PPP2R3B: variants seen among roughly 807,000 people sequenced by gnomAD.
PPP2R3B encodes protein phosphatase 2 regulatory subunit B''beta.
PPP2R3B carries 68 observed loss-of-function variants against 72.9 expected under a neutral mutation model. The ratio of observed to expected loss-of-function variants is 0.93; its 90% CI spans 0.77 to 1.14. The LOEUF is 1.14. Among genes scored for constraint, PPP2R3B ranks in the 50% most tolerant of loss-of-function variants. The probability of loss-of-function intolerance (pLI) is 0.00; values close to 1 mark genes in which losing one functional copy is unlikely to be tolerated. For synonymous variants in PPP2R3B, 466 were observed against 375.8 expected, an observed-to-expected ratio of 1.24 and a Z score of -2.78; for missense variants, 1,018 against 842.0, an observed-to-expected ratio of 1.21 and a Z score of -2.59.
At chrX:385,919 T>C (rs887197942) in intron 1 of PPP2R3B, among the ~76,000 whole-genome samples, 6 of 152,112 alleles carry the variant, frequency 3.9e-5, no homozygotes, top group Admixed American at 2.6e-4. Flanking sequence ...CAGTCTCTAC[T>C]AAAAATACAA....
chrX:345,406 A>G, intron 7 of PPP2R3B, 110 bp downstream of exon 7: 1 of 1,416,912 alleles, frequency 7.1e-7, no homozygotes, highest in Non-Finnish European at 9.7e-7. Flanking sequence ...AGGCAGCTGC[A>G]GACACAGAGC....
rs769179415 is a variant in PPP2R3B at position 338,540 on chromosome X, G to A, written c.1577+64C>T. ...CACACACCCGTCCTCCCACTCACCCGTCCTCCCCACTCACCCGTCCTCCCA... is the reference window on the plus strand; with the variant it reads ...CACACACCCGTCCTCCCACTCACCCATCCTCCCCACTCACCCGTCCTCCCA... On this transcript the variant is annotated intron_variant, in intron 12 of 12. Transcript: ENST00000390665. 15 of 1,170,350 alleles carry A rather than the reference G, an allele frequency of 1.3e-5. No homozygotes were observed. The East Asian group carries it at 1.9e-4, about 15-fold the overall frequency. 72.5% of individuals were successfully genotyped at this position (1,170,350 alleles called of 1,614,324 possible). A position where few individuals can be genotyped will look rare whatever the true frequency, so the allele number is the denominator to read the frequency against.
Position 383,837 on chromosome X carries a change from CAAAAAA to C in PPP2R3B, c.324+2525_324+2530del, listed in dbSNP as rs757960788. Among the ~76,000 whole-genome samples the C allele has an allele frequency of 5.8e-3, 263 of 45,568 alleles. 1 individual carries two copies. Among genetic ancestry groups the C allele is most frequent in the African/African-American group, 0.017 (252 of 15,118 alleles). The allele number at this position is 45,568 out of a possible 152,430, so 29.9% of individuals were successfully genotyped here. A position where few individuals can be genotyped will look rare whatever the true frequency, so the allele number is the denominator to read the frequency against. On this transcript the variant is annotated intron_variant, in intron 1 of 12. Coordinates refer to ENST00000390665, the MANE Select transcript of PPP2R3B (RefSeq NM_013239.5). ...TGGGGGACAGAGCGAGACTCCGTCTCAAAAAAAAAAAAAAAAAAAAAAAAAAAAAAC... is the reference window on the plus strand; with the variant it reads ...TGGGGGACAGAGCGAGACTCCGTCTCAAAAAAAAAAAAAAAAAAAAAAAAC...
Position 361,398 on chromosome X carries a change from C to CA in PPP2R3B, c.510+6dup, listed in dbSNP as rs2071536239. The stretch of plus-strand genomic sequence containing the variant: ...CGGCTGCTCCACGTCCCACGCGTGA[C>CA]ACGTACCTTGGCCACCAGGCCCATG... On this transcript the variant is annotated splice_region_variant and intron_variant, in intron 2 of 12. Transcript: ENST00000390665. The CA allele has an allele frequency of 4.3e-6, 7 of 1,613,906 alleles. No homozygotes were observed. The East Asian group carries it at 1.6e-4, about 36-fold the overall frequency.
intron 2 of PPP2R3B, among the ~76,000 whole-genome samples, chrX:358,798 T>TGGCCGCTGTGGGGGGC (rs1184839784): frequency 1.1e-5 from 1 of 91,450 alleles, no homozygotes; most frequent in African/African-American, 3.7e-5. Context: ...GGAGGGGGGG[T>TGGCCGCTGTGGGGGGC]GGCCGCTGTG....
Position 341,718 on chromosome X carries a change from C to CA in PPP2R3B, c.1085+164dup, listed in dbSNP as rs1556119436. On this transcript the variant is annotated intron_variant, in intron 8 of 12. Transcript: ENST00000390665. ...GTGACAGTCTTGTGCCACCCCCCCC[C>CA]ACTAGGGATTCACGTGACAGAGACA... 6 of 797,594 alleles carry CA rather than the reference C, an allele frequency of 7.5e-6. No homozygotes were observed. The East Asian group carries it at 7.6e-5, about 10-fold the overall frequency. The allele number at this position is 797,594 out of a possible 1,614,324, so 49.4% of individuals were successfully genotyped here.
At chrX:349,659 T>G (rs1477901617) in intron 2 of PPP2R3B, among the ~76,000 whole-genome samples, 1 of 152,206 alleles carries the variant, frequency 6.6e-6, no homozygotes, top group Non-Finnish European at 1.5e-5. Context: ...TCAGCAAAGT[T>G]GCTGGATCCA....
intron 1 of PPP2R3B, among the ~76,000 whole-genome samples, chrX:382,955 C>T (rs1425498743): frequency 6.6e-6 from 1 of 152,092 alleles, no homozygotes; most frequent in Non-Finnish European, 1.5e-5. Flanking sequence ...TCCTGGCCCT[C>T]CTCTCAACCT....
In PPP2R3B at chrX:361,309, G is replaced by A. The variant is rs761464154; in HGVS notation, c.510+96C>T. 3.5e-5 allele frequency: 49 copies of A among 1,402,002 alleles called. 1 individual carries two copies. In the East Asian group the frequency reaches 8.4e-4, roughly 24 times the overall value. 86.8% of individuals were successfully genotyped at this position (1,402,002 alleles called of 1,614,324 possible). ...TCCTCGGCCGTGCCGCCTCACTCAC[G>A]CTCGTGTGACACGCACCCACCACGG... On this transcript the variant is annotated intron_variant, in intron 2 of 12. Transcript: ENST00000390665.
At chrX:356,885 C>CA (rs1424732048) in intron 2 of PPP2R3B, among the ~76,000 whole-genome samples, 45 of 93,058 alleles carry the variant, frequency 4.8e-4, no homozygotes, top group Middle Eastern at 4.4e-3. Flanking sequence ...ATCCACACCC[C>CA]GCCAGCCACA....
At position 345,561 on chromosome X, in the gene PPP2R3B, C is replaced by T; in HGVS notation, c.991G>A (p.Asp331Asn). The stretch of plus-strand genomic sequence containing the variant: ...AGGTCGTCCGCGTCGATGAGCAGGT[C>T]GTGGTCCGTGTCCAGCTCCCAGAAC... ...CKFWELDTDHDLLIDADDLAR... is the reference protein window; with the variant it reads ...CKFWELDTDHNLLIDADDLAR... The change falls in exon 7 of 13, where the codon GAC (aspartate) becomes AAC (asparagine). Residue 331 changes from aspartate to asparagine, a missense_variant. By Grantham distance (23) the Asp-to-Asn change is conservative (BLOSUM62 1). Transcript: ENST00000390665. 2 of 1,613,252 alleles carry T rather than the reference C, an allele frequency of 1.2e-6. No individual in the cohort carries two copies. The highest frequency in any genetic ancestry group is 1.7e-6 in the Non-Finnish European group (2 of 1,179,546).
At chrX:355,709 A>G (rs1157554732) in intron 2 of PPP2R3B, among the ~76,000 whole-genome samples, 14 of 137,554 alleles carry the variant, frequency 1.0e-4, no homozygotes, top group Non-Finnish European at 4.7e-5. Context: ...GAATTTTCCC[A>G]TAATAAAAAA....
intron 12 of PPP2R3B, 50 bp downstream of exon 12, chrX:338,554 C>A (rs187695226): frequency 7.3e-7 from 1 of 1,372,458 alleles, no homozygotes; most frequent in South Asian, 1.3e-5. Flanking sequence ...TCCCCACTCA[C>A]CCGTCCTCCC....
At chrX:355,137 T>G in intron 2 of PPP2R3B, among the ~76,000 whole-genome samples, 1 of 152,314 alleles carries the variant, frequency 6.6e-6, no homozygotes, top group Admixed American at 6.5e-5. Flanking sequence ...AAGGTTGAGC[T>G]GGTAGAGCCG....
At chrX:345,034 A>G (rs6645018) in intron 7 of PPP2R3B, 298,051 of 377,892 alleles carry the variant, frequency 0.79, 118,108 homozygotes, top group Middle Eastern at 0.85. Context: ...GCCGGGAGGC[A>G]GTGGCTGCTG....
chrX:386,770 C>T lies in PPP2R3B; in HGVS notation c.-79G>A. 1 of 923,780 alleles carries T rather than the reference C, an allele frequency of 1.1e-6. No individual in the cohort carries two copies. Among genetic ancestry groups the T allele is most frequent in the Non-Finnish European group, 1.4e-6 (1 of 727,030 alleles). The allele number at this position is 923,780 out of a possible 1,614,324, so 57.2% of individuals were successfully genotyped here. On this transcript the variant is annotated 5_prime_UTR_variant, in exon 1 of 13. Transcript: ENST00000390665. ...GGGGCTTCGGTCCGCCCCGGACCGA[C>T]CTCGGTGATGCGAGCACGGCCCGCT...
At chrX:352,775 G>A (rs1031391305) in intron 2 of PPP2R3B, among the ~76,000 whole-genome samples, 4 of 151,742 alleles carry the variant, frequency 2.6e-5, no homozygotes, top group Non-Finnish European at 5.9e-5. Context: ...CCACAACCAC[G>A]GCCGGCAAGT....
intron 7 of PPP2R3B, among the ~76,000 whole-genome samples, chrX:344,479 C>A: frequency 6.6e-6 from 1 of 152,366 alleles, no homozygotes; most frequent in East Asian, 1.9e-4. Context: ...GGCCGCAGTG[C>A]GTGAGAAACA....
At chrX:372,128 G>A (rs1198414438) in intron 1 of PPP2R3B, among the ~76,000 whole-genome samples, 2 of 152,014 alleles carry the variant, frequency 1.3e-5, no homozygotes, top group Non-Finnish European at 2.9e-5. Context: ...AGCCCGCACC[G>A]CCCAGCACCT....
Sources: allele counts gnomAD v4.1 joint callset (sites outside exome capture counted in the v4.1 genomes callset), GRCh38; gene constraint gnomAD v4.1.1; transcripts MANE v1.5; gene names NCBI Gene and HGNC (gene_info 2026-07-23, HGNC 2026-07-21).